DPYSL2: variants seen among roughly 807,000 people sequenced by gnomAD.
DPYSL2 encodes dihydropyrimidinase-related protein 2.
DPYSL2 carries 13 observed loss-of-function variants against 69.9 expected under a neutral mutation model. That is an observed-to-expected ratio of 0.19 (90% CI 0.12 to 0.30). The LOEUF is 0.30. DPYSL2 is among the 10% of genes least tolerant of loss of function. The pLI is 1.00. For synonymous variants in DPYSL2, 326 were observed against 359.1 expected (o/e 0.91, Z 1.04); for missense variants, 587 against 918.9 (o/e 0.64, Z 4.67).
rs532438651 is a variant in DPYSL2 at position 26,624,049 on chromosome 8, A to G, written c.629-94A>G. On this transcript the variant is annotated intron_variant, in intron 3 of 13. Transcript: ENST00000521913. The surrounding 1 kb of genome is among the most constrained non-coding windows in gnomAD (Gnocchi z 4.7). ...GATCACCATCTCGATTTTGAACCCAAGAAGCCTTATTCAGGGTTCAAGTGG... is the reference window on the plus strand; with the variant it reads ...GATCACCATCTCGATTTTGAACCCAGGAAGCCTTATTCAGGGTTCAAGTGG... The G allele has an allele frequency of 3.2e-5, 44 of 1,371,604 alleles. No individual in the cohort carries two copies. The South Asian group carries it at 5.2e-4, about 16-fold the overall frequency. The allele number at this position is 1,371,604 out of a possible 1,614,324, so 85.0% of individuals were successfully genotyped here.
intron 1 of DPYSL2, among the ~76,000 whole-genome samples, chr8:26,535,495 A>G (rs1800576278): frequency 1.3e-5 from 2 of 152,124 alleles, no homozygotes; most frequent in Non-Finnish European, 2.9e-5. Flanking sequence ...ATGTTTCATG[A>G]CCTTTTTCTG....
intron 1 of DPYSL2, among the ~76,000 whole-genome samples, chr8:26,515,869 T>C (rs1455139835): frequency 6.6e-6 from 1 of 152,246 alleles, no homozygotes; most frequent in Non-Finnish European, 1.5e-5. Context: ...GCAAGAGGTT[T>C]CTTCTTCTCA....
rs141654244 is a variant in DPYSL2, at chr8:26,641,535, C to T, written c.1127-1904C>T. Among the ~76,000 whole-genome samples the T allele has an allele frequency of 5.2e-4, 79 of 152,352 alleles. No homozygotes were observed. The highest frequency in any genetic ancestry group is 1.8e-3 in the African/African-American group (73 of 41,578). ...TGCATTTTATAAAGGTCTTTGGCAG[C>T]GGCCAAGGCCTTCTCATTATGTGGT... On this transcript the variant is annotated intron_variant, in intron 8 of 13. Transcript: ENST00000521913. This position sits in a 1 kb window ranked among gnomAD's most constrained non-coding sequence, Gnocchi z 4.1.
At chr8:26,590,806 C>T (rs1801709183) in intron 3 of DPYSL2, among the ~76,000 whole-genome samples, 1 of 152,264 alleles carries the variant, frequency 6.6e-6, no homozygotes, top group African/African-American at 2.4e-5. Context: ...GGAGCATCCT[C>T]AGAGACAGCA....
At chr8:26,589,997 C>T (rs553174603) in intron 3 of DPYSL2, among the ~76,000 whole-genome samples, 2 of 152,286 alleles carry the variant, frequency 1.3e-5, no homozygotes, top group South Asian at 2.1e-4. Flanking sequence ...AATGTCACTG[C>T]GGTACATCCA....
chr8:26,514,484 C>T lies in DPYSL2; in HGVS notation c.159C>T (p.Asp53=). 3 of 1,529,036 alleles carry T rather than the reference C, an allele frequency of 2.0e-6. No individual in the cohort carries two copies. The highest frequency in any genetic ancestry group is 2.5e-5 in the East Asian group (1 of 40,198). 94.7% of individuals were successfully genotyped at this position (1,529,036 alleles called of 1,614,324 possible). ...CGGAGAACAAGACCATCGACTTCGA[C>T]TCGCTGTCGGTGGGCCGGGGCTCGG... is the stretch of plus-strand genomic sequence containing the variant. ...GSSENKTIDF[D]SLSVGRGSGQ... Residue 53 remains aspartate, a synonymous_variant, in exon 1 of 14, where the codon GAC becomes GAT. Coordinates refer to ENST00000521913, the MANE Select transcript of DPYSL2 (RefSeq NM_001197293.3). This position sits in a 1 kb window ranked among gnomAD's most constrained non-coding sequence, Gnocchi z 8.4.
intron 1 of DPYSL2, among the ~76,000 whole-genome samples, chr8:26,556,285 A>AGTAT (rs1261734787): frequency 6.5e-4 from 2 of 3,094 alleles, no homozygotes; most frequent in African/African-American, 1.1e-3. Flanking sequence ...GTATTTATAT[A>AGTAT]ATATATATAG....
Position 26,640,816 on chromosome 8 carries a change from C to A in DPYSL2, c.1127-2623C>A, listed in dbSNP as rs2129962741. On this transcript the variant is annotated intron_variant, in intron 8 of 13. Transcript: ENST00000521913. This position sits in a 1 kb window ranked among gnomAD's most constrained non-coding sequence, Gnocchi z 4.2. Reference sequence around the variant, plus strand: ...TCCACTGCCCCTGCCCCTGAATGTCCCTATCTTTGCTTAGCTGTGGCCCAG... The same window carrying A: ...TCCACTGCCCCTGCCCCTGAATGTCACTATCTTTGCTTAGCTGTGGCCCAG... Among the ~76,000 whole-genome samples the A allele has an allele frequency of 6.6e-6, 1 of 152,302 alleles. No homozygotes were observed. Among genetic ancestry groups the A allele is most frequent in the Middle Eastern group, 3.4e-3 (1 of 294 alleles).
Position 26,647,936 on chromosome 8 carries a change from CA to C in DPYSL2, c.1596+138del. On this transcript the variant is annotated intron_variant, in intron 11 of 13. Coordinates refer to ENST00000521913, the MANE Select transcript of DPYSL2 (RefSeq NM_001197293.3). The surrounding 1 kb of genome is among the most constrained non-coding windows in gnomAD (Gnocchi z 5.1). ...GCTCGACTGAGGATGTTATGATTTGCAATTTGCTGGGAAAAGAATAGTTATT... is the reference window on the plus strand; with the variant it reads ...GCTCGACTGAGGATGTTATGATTTGCATTTGCTGGGAAAAGAATAGTTATT... The C allele has an allele frequency of 9.6e-7, 1 of 1,039,304 alleles. No individual in the cohort carries two copies. Among genetic ancestry groups the C allele is most frequent in the East Asian group, 2.8e-5 (1 of 35,582 alleles). The allele number at this position is 1,039,304 out of a possible 1,614,324, so 64.4% of individuals were successfully genotyped here.
chr8:26,636,723 G>A (rs1302246315), intron 8 of DPYSL2, among the ~76,000 whole-genome samples: 1 of 151,908 alleles, frequency 6.6e-6, no homozygotes, highest in Non-Finnish European at 1.5e-5. Flanking sequence ...GGTAGCCCCC[G>A]TTGTTGTTTT....
chr8:26,608,956 C>A (rs1802167346), intron 3 of DPYSL2, among the ~76,000 whole-genome samples: 1 of 152,130 alleles, frequency 6.6e-6, no homozygotes, highest in East Asian at 1.9e-4. Flanking sequence ...GAATAGAGAC[C>A]CGACTCCTCA....
At chr8:26,522,369 A>C (rs1808401661) in intron 1 of DPYSL2, among the ~76,000 whole-genome samples, 1 of 152,334 alleles carries the variant, frequency 6.6e-6, no homozygotes, top group Middle Eastern at 3.4e-3. Context: ...TTCTGCCTAG[A>C]AGTAGAATTG....
chr8:26,616,969 C>T (rs925720996), intron 3 of DPYSL2, among the ~76,000 whole-genome samples: 1 of 152,206 alleles, frequency 6.6e-6, no homozygotes, highest in Non-Finnish European at 1.5e-5. Flanking sequence ...ACGTGCGTAA[C>T]CCCCAGCTGA....
At chr8:26,606,611 T>A (rs1802112611) in intron 3 of DPYSL2, among the ~76,000 whole-genome samples, 1 of 152,134 alleles carries the variant, frequency 6.6e-6, no homozygotes, top group African/African-American at 2.4e-5. Flanking sequence ...AAGGAAATAA[T>A]TCCACCATTG....
At position 26,653,775 on chromosome 8, in the gene DPYSL2, A is replaced by G. The variant is rs188296609; in HGVS notation, c.1942+378A>G. 1.3e-5 allele frequency among the ~76,000 whole-genome samples: 2 copies of G among 152,176 alleles called. No homozygotes were observed. Among genetic ancestry groups the G allele is most frequent in the Admixed American group, 1.3e-4 (2 of 15,288 alleles). ...GTATCACCATGTTGGCCAGGCTGAT[A>G]GAACTCCTGACTTCAGGTGATCTGC... On this transcript the variant is annotated intron_variant, in intron 13 of 13. Coordinates refer to ENST00000521913, the MANE Select transcript of DPYSL2 (RefSeq NM_001197293.3). This position sits in a 1 kb window ranked among gnomAD's most constrained non-coding sequence, Gnocchi z 5.7.
At position 26,644,113 on chromosome 8, in the gene DPYSL2, C is replaced by T. The variant is rs1803111142; in HGVS notation, c.1425+22C>T. The T allele has an allele frequency of 6.2e-7, 1 of 1,611,708 alleles. No homozygotes were observed. The highest frequency in any genetic ancestry group is 1.3e-5 in the African/African-American group (1 of 74,888). Reference sequence around the variant, plus strand: ...TGTGGTAAGGAGCGATGGCCTCACTCCTTGGTGGCTCTCAGCCTTCCTTGT... The same window carrying T: ...TGTGGTAAGGAGCGATGGCCTCACTTCTTGGTGGCTCTCAGCCTTCCTTGT... On this transcript the variant is annotated intron_variant, in intron 10 of 13. Coordinates refer to ENST00000521913, the MANE Select transcript of DPYSL2 (RefSeq NM_001197293.3). The surrounding 1 kb of genome is among the most constrained non-coding windows in gnomAD (Gnocchi z 4.5).
chr8:26,529,748 T>G (rs1585491291), intron 1 of DPYSL2, among the ~76,000 whole-genome samples: 1 of 145,698 alleles, frequency 6.9e-6, no homozygotes, highest in South Asian at 2.3e-4. Context: ...TTTTTTTTTT[T>G]TACAAATGAA....
intron 3 of DPYSL2, among the ~76,000 whole-genome samples, chr8:26,607,926 A>C (rs2129840653): frequency 6.6e-6 from 1 of 152,018 alleles, no homozygotes; most frequent in African/African-American, 2.4e-5. Flanking sequence ...AAAAACAAAA[A>C]ATTAGCCGGG....
intron 3 of DPYSL2, among the ~76,000 whole-genome samples, chr8:26,623,615 A>C (rs1802547734): frequency 6.6e-6 from 1 of 152,214 alleles, no homozygotes; most frequent in Non-Finnish European, 1.5e-5. Context: ...TGAACTCTTA[A>C]GATGAAAGAT....
Sources: allele counts gnomAD v4.1 joint callset (sites outside exome capture counted in the v4.1 genomes callset), GRCh38; gene constraint gnomAD v4.1.1; non-coding constraint Gnocchi (gnomAD v3.1); transcripts MANE v1.5; gene names NCBI Gene and HGNC (gene_info 2026-07-23, HGNC 2026-07-21).